The following PTCSC3 variants were observed in gnomAD, a reference collection of about 807,000 sequenced individuals.
PTCSC3 encodes the protein papillary thyroid carcinoma susceptibility candidate 3, also known as papillary thyroid carcinoma susceptibility candidate 3 (non-protein coding).
chr14:36,139,611 T>A (rs1025916936), intron 3 of PTCSC3, among the ~76,000 whole-genome samples: 2 of 152,164 alleles, frequency 1.3e-5, no homozygotes, highest in Admixed American at 1.3e-4. Flanking sequence ...AGATTCTACA[T>A]GCAATTATGG....
chr14:36,136,954 C>T (rs976211954), intron 3 of PTCSC3, among the ~76,000 whole-genome samples: 2 of 152,096 alleles, frequency 1.3e-5, no homozygotes, highest in African/African-American at 4.8e-5. Context: ...AATATAGCAT[C>T]AAACAACACA....
intron 3 of PTCSC3, among the ~76,000 whole-genome samples, chr14:36,141,454 G>T (rs537931650): frequency 6.6e-6 from 1 of 151,716 alleles, no homozygotes; most frequent in South Asian, 2.1e-4. Flanking sequence ...CAGATATATA[G>T]ATATATATAT....
chr14:36,146,171 A>G (rs1051491477), intron 3 of PTCSC3, among the ~76,000 whole-genome samples: 132 of 144,100 alleles, frequency 9.2e-4, no homozygotes, highest in Non-Finnish European at 1.6e-3. Context: ...GTAGATGTCT[A>G]TTAGGTCCAC....
chr14:36,172,924 A>AAGTTT (rs1882215095), intron 1 of PTCSC3, among the ~76,000 whole-genome samples: 2 of 151,812 alleles, frequency 1.3e-5, no homozygotes, highest in African/African-American at 4.8e-5. Flanking sequence ...TCTTGTTAAC[A>AAGTTT]TAAAAACTTA....
At chr14:36,150,107 A>G (rs1284868684) in intron 3 of PTCSC3, among the ~76,000 whole-genome samples, 3 of 152,114 alleles carry the variant, frequency 2.0e-5, no homozygotes, top group Non-Finnish European at 2.9e-5. Flanking sequence ...CTTGTTTTCA[A>G]TCCACTCTGA....
chr14:36,166,397 A>G (rs1882087741), intron 1 of PTCSC3, among the ~76,000 whole-genome samples: 1 of 152,196 alleles, frequency 6.6e-6, no homozygotes, highest in Non-Finnish European at 1.5e-5. Flanking sequence ...TATATGTTTT[A>G]AATTGTTTTA....
intron 3 of PTCSC3, among the ~76,000 whole-genome samples, chr14:36,150,982 T>G (rs1235717841): frequency 6.6e-6 from 1 of 152,234 alleles, no homozygotes; most frequent in Non-Finnish European, 1.5e-5. Flanking sequence ...ACTCTTCCTT[T>G]GTTCATGTAA....
chr14:36,173,699 TCCTGGTGC>T (rs1300137067), intron 1 of PTCSC3, among the ~76,000 whole-genome samples: 1 of 152,080 alleles, frequency 6.6e-6, no homozygotes, highest in African/African-American at 2.4e-5. Flanking sequence ...TATTTAACAT[TCCTGGTGC>T]CCTTTGATCT....
intron 3 of PTCSC3, among the ~76,000 whole-genome samples, chr14:36,143,246 A>C (rs1218738876): frequency 6.9e-6 from 1 of 145,214 alleles, no homozygotes; most frequent in Admixed American, 6.9e-5. Context: ...GACTTCCACA[A>C]TGGTTGAACT....
intron 3 of PTCSC3, among the ~76,000 whole-genome samples, chr14:36,142,807 C>A (rs1255348747): frequency 6.0e-5 from 7 of 117,262 alleles, no homozygotes; most frequent in South Asian, 3.5e-4. Flanking sequence ...TCCCTCCCCC[C>A]TCCCCCCACC....
chr14:36,172,611 A>C (rs1882210812), intron 1 of PTCSC3, among the ~76,000 whole-genome samples: 1 of 152,100 alleles, frequency 6.6e-6, no homozygotes, highest in South Asian at 2.1e-4. Context: ...TAGCCTTCCA[A>C]CTTTAAGTAC....
rs1881756375 is a variant in PTCSC3 at position 36,152,979 on chromosome 14, G to A, written n.322+825C>T. Among the ~76,000 whole-genome samples the A allele has an allele frequency of 2.0e-5, 3 of 152,254 alleles. No homozygotes were observed. The South Asian group carries it at 6.2e-4, about 32-fold the overall frequency. On this transcript the variant is annotated intron_variant and non_coding_transcript_variant, in intron 3 of 3. Coordinates refer to ENST00000556013, the Ensembl canonical transcript of PTCSC3. ...CAGGCACTTCCAAAAGAGGACAGCT[G>A]TTTCAGTCAGCTTGGACTACTATAG...
At chr14:36,168,746 G>C (rs1882141443) in intron 1 of PTCSC3, among the ~76,000 whole-genome samples, 1 of 151,988 alleles carries the variant, frequency 6.6e-6, no homozygotes, top group African/African-American at 2.4e-5. Flanking sequence ...CTCCCAAATA[G>C]CTGGAACTGC....
rs112098919 is a variant in PTCSC3, at chr14:36,170,159, TAGAA to T, written n.171+6135_171+6138del. ...GTGTACCTATGTTCTTGCTTGCAAA[TAGAA>T]AGTATTTTTATAATTAAAAATATTT... On this transcript the variant is annotated intron_variant and non_coding_transcript_variant, in intron 1 of 3. Coordinates refer to ENST00000556013, the Ensembl canonical transcript of PTCSC3. 2.3e-3 allele frequency among the ~76,000 whole-genome samples: 354 copies of T among 152,130 alleles called. 4 individuals carry two copies. The highest frequency in any genetic ancestry group is 8.0e-3 in the African/African-American group (333 of 41,558).
At chr14:36,140,326 A>G (rs1287385758) in intron 3 of PTCSC3, among the ~76,000 whole-genome samples, 1 of 152,224 alleles carries the variant, frequency 6.6e-6, no homozygotes, top group Non-Finnish European at 1.5e-5. Flanking sequence ...TGGCCATAAT[A>G]CCAAAACACA....
chr14:36,135,761 A>G (rs1376736328), downstream of PTCSC3, among the ~76,000 whole-genome samples: 1 of 152,182 alleles, frequency 6.6e-6, no homozygotes, highest in Non-Finnish European at 1.5e-5. Context: ...GTCTTAAGAG[A>G]TATTGCTACT....
At chr14:36,153,382 G>A (rs771040344) in intron 3 of PTCSC3, among the ~76,000 whole-genome samples, 4 of 152,128 alleles carry the variant, frequency 2.6e-5, no homozygotes, top group Non-Finnish European at 5.9e-5. Flanking sequence ...AGCCGTGAGG[G>A]AATCACAAAT....
At chr14:36,165,353 C>T (rs1427638040) in intron 1 of PTCSC3, 1 of 152,178 alleles carries the variant, frequency 6.6e-6, no homozygotes, top group African/African-American at 2.4e-5. Flanking sequence ...AGGTTAGGAC[C>T]TGGCTATGTT....
intron 2 of PTCSC3, among the ~76,000 whole-genome samples, chr14:36,161,956 G>A (rs1881964975): frequency 6.6e-6 from 1 of 152,218 alleles, no homozygotes; most frequent in African/African-American, 2.4e-5. Flanking sequence ...GCTTTGCGGA[G>A]CTGCGGTGGG....
Sources: gnomAD v4.1 joint callset for allele counts (sites outside exome capture counted in the v4.1 genomes callset) on GRCh38, gnomAD v4.1.1 for gene constraint, MANE v1.5 for transcripts, NCBI Gene and HGNC (gene_info 2026-07-23, HGNC 2026-07-21) for gene names.